The following TOP2B variants were observed in gnomAD, a reference collection of about 807,000 sequenced individuals.
TOP2B encodes the protein DNA topoisomerase II beta.
Under a neutral mutation model 193.5 loss-of-function variants are expected in TOP2B, and 51 were observed. That is an observed-to-expected ratio of 0.26 (90% CI 0.21 to 0.33). TOP2B has a LOEUF of 0.33. Among genes scored for constraint, TOP2B ranks in the 10% least tolerant of loss-of-function variants. TOP2B has a pLI of 1.00. For missense variants in TOP2B, 1,378 were observed against 1,909.3 expected (o/e 0.72, Z 5.19); for synonymous variants, 634 against 635.7 (o/e 1.00, Z 0.04).
At chr3:25,652,700 C>T (rs183790882) in intron 1 of TOP2B, among the ~76,000 whole-genome samples, 1 of 151,978 alleles carries the variant, frequency 6.6e-6, no homozygotes, top group Non-Finnish European at 1.5e-5. Context: ...CATTAACAAT[C>T]AGTAAAGATC....
In TOP2B at chr3:25,609,112, C is replaced by T. The variant is rs555513673; in HGVS notation, c.4093+71G>A. On this transcript the variant is annotated intron_variant, in intron 30 of 35. Transcript: ENST00000264331. ...CTAATGGCTTAGTACTTAAACAACA[C>T]TGATAATACTAACAATACCAACGTA... The T allele has an allele frequency of 3.4e-5, 46 of 1,337,336 alleles. No homozygotes were observed. The African/African-American group carries it at 6.1e-4, about 18-fold the overall frequency. 82.8% of individuals were successfully genotyped at this position (1,337,336 alleles called of 1,614,324 possible).
At chr3:25,631,268 C>T (rs1702948515) in intron 10 of TOP2B, among the ~76,000 whole-genome samples, 1 of 152,018 alleles carries the variant, frequency 6.6e-6, no homozygotes, top group African/African-American at 2.4e-5. Flanking sequence ...CACACATGAA[C>T]CTACTAGCCG....
At chr3:25,642,094 T>C (rs188814150) in intron 4 of TOP2B, among the ~76,000 whole-genome samples, 10 of 152,130 alleles carry the variant, frequency 6.6e-5, no homozygotes, top group Non-Finnish European at 1.2e-4. Context: ...GCAGCTGAAA[T>C]AGCATACACA....
chr3:25,615,166 T>A (rs1475312378), intron 27 of TOP2B, 39 bp downstream of exon 27: 6 of 1,543,182 alleles, frequency 3.9e-6, no homozygotes, highest in Non-Finnish European at 5.3e-6. Context: ...TTCATAAACA[T>A]GACTTTTCCA....
intron 1 of TOP2B, among the ~76,000 whole-genome samples, chr3:25,648,329 T>C (rs928400557): frequency 1.3e-5 from 2 of 152,114 alleles, no homozygotes; most frequent in African/African-American, 4.8e-5. Flanking sequence ...AGCAGACAGA[T>C]GGACAGAGGC....
At chr3:25,651,660 G>C (rs1575586936) in intron 1 of TOP2B, among the ~76,000 whole-genome samples, 1 of 152,042 alleles carries the variant, frequency 6.6e-6, no homozygotes, top group East Asian at 1.9e-4. Context: ...GAGGTCAGGA[G>C]TTAAGAGACC....
intron 30 of TOP2B, among the ~76,000 whole-genome samples, chr3:25,608,354 G>T (rs983801643): frequency 2.0e-5 from 3 of 152,076 alleles, no homozygotes; most frequent in Admixed American, 1.3e-4. Flanking sequence ...TGTTAATTTT[G>T]CACTTCACTT....
At chr3:25,642,170 T>C (rs1439532138) in intron 4 of TOP2B, among the ~76,000 whole-genome samples, 152 bp downstream of exon 4, 1 of 151,910 alleles carries the variant, frequency 6.6e-6, no homozygotes, top group Non-Finnish European at 1.5e-5. Flanking sequence ...AGACAATAAA[T>C]GACACAGAAA....
At chr3:25,624,529 G>A (rs1702745067) in intron 19 of TOP2B, 84 bp from the exon 20 acceptor site, 2 of 1,544,412 alleles carry the variant, frequency 1.3e-6, no homozygotes, top group Admixed American at 4.0e-5. Context: ...AAATCCAAGT[G>A]AAGAATAAAG....
chr3:25,625,107 CAGT>C (rs1702760633), intron 18 of TOP2B: 1 of 185,890 alleles, frequency 5.4e-6, no homozygotes, highest in African/African-American at 2.4e-5. Flanking sequence ...ACTCCTTTAA[CAGT>C]AGTTTCCAAA....
At chr3:25,637,861 A>G (rs1703147061) in intron 5 of TOP2B, among the ~76,000 whole-genome samples, 1 of 152,026 alleles carries the variant, frequency 6.6e-6, no homozygotes, top group Admixed American at 6.5e-5. Flanking sequence ...CAAAAGACAC[A>G]GTGCTATGTA....
intron 35 of TOP2B, among the ~76,000 whole-genome samples, chr3:25,599,160 A>C (rs1165071326): frequency 6.6e-6 from 1 of 152,184 alleles, no homozygotes; most frequent in East Asian, 1.9e-4. Flanking sequence ...TTTTAGTCTG[A>C]AAGAGTCTAA....
At chr3:25,613,026 G>C (rs1472216397) in intron 27 of TOP2B, among the ~76,000 whole-genome samples, 1 of 152,072 alleles carries the variant, frequency 6.6e-6, no homozygotes, top group Non-Finnish European at 1.5e-5. Context: ...TGATAACCTA[G>C]TATCATCAAA....
At chr3:25,642,408 G>A (rs1186402014) in intron 3 of TOP2B, 23 bp from the exon 4 acceptor site, 3 of 1,463,724 alleles carry the variant, frequency 2.0e-6, no homozygotes, top group Admixed American at 4.0e-5. Context: ...ACACCTCAAT[G>A]AGTAATATAC....
chr3:25,600,778 T>C (rs772696040), intron 34 of TOP2B, among the ~76,000 whole-genome samples: 6 of 152,214 alleles, frequency 3.9e-5, no homozygotes, highest in Admixed American at 6.5e-5. Context: ...AGTGTCACAG[T>C]TAGTGTGGAG....
At chr3:25,642,905 A>T (rs1361650804) in intron 3 of TOP2B, among the ~76,000 whole-genome samples, 4 of 152,194 alleles carry the variant, frequency 2.6e-5, no homozygotes, top group African/African-American at 7.2e-5. Flanking sequence ...ATATTTTTGC[A>T]TTCATTAACC....
intron 7 of TOP2B, among the ~76,000 whole-genome samples, chr3:25,635,653 A>G (rs968200004): frequency 6.6e-6 from 1 of 152,152 alleles, no homozygotes; most frequent in Non-Finnish European, 1.5e-5. Flanking sequence ...AATTAAACCA[A>G]TACAAAAAGT....
rs1168609435 is a variant in TOP2B at position 25,664,534 on chromosome 3, C to A, written c.-237G>T. The A allele has an allele frequency of 1.6e-5, 18 of 1,137,370 alleles. No individual in the cohort carries two copies. Among genetic ancestry groups the A allele is most frequent in the Non-Finnish European group, 1.8e-5 (17 of 928,584 alleles). The allele number at this position is 1,137,370 out of a possible 1,614,324, so 70.5% of individuals were successfully genotyped here. A position where few individuals can be genotyped will look rare whatever the true frequency, so the allele number is the denominator to read the frequency against. The stretch of plus-strand genomic sequence containing the variant: ...CGGCGTCCGCGTCGCCCGGGCCTAG[C>A]GCGGCGGCTGAGGAGAAAGCAGGGA... On this transcript the variant is annotated 5_prime_UTR_variant, in exon 1 of 36. Transcript: ENST00000264331.
At chr3:25,662,794 C>T (rs1038715253) in intron 1 of TOP2B, among the ~76,000 whole-genome samples, 4 of 152,174 alleles carry the variant, frequency 2.6e-5, no homozygotes, top group Admixed American at 6.5e-5. Context: ...GAGGAAACAC[C>T]GATCAGGCCT....
Sources: allele counts gnomAD v4.1 joint callset (sites outside exome capture counted in the v4.1 genomes callset), GRCh38; gene constraint gnomAD v4.1.1; transcripts MANE v1.5; gene names NCBI Gene and HGNC (gene_info 2026-07-23, HGNC 2026-07-21).